NECTIN1: variants seen among roughly 807,000 people sequenced by gnomAD.
NECTIN1 encodes nectin-1.
In NECTIN1, 23 loss-of-function variants were observed where a neutral mutation model predicts 48.0. The ratio of observed to expected loss-of-function variants is 0.48; its 90% CI spans 0.34 to 0.68. The LOEUF (loss-of-function observed/expected upper bound fraction) is 0.68, where lower values mean the gene tolerates loss of function less well. Ranked by LOEUF, NECTIN1 falls within the 30% of genes least tolerant of loss-of-function variation. NECTIN1 has a pLI of 0.01. For synonymous variants in NECTIN1, 270 were observed against 288.9 expected, an observed-to-expected ratio of 0.93 and a Z score of 0.66; for missense variants, 591 against 709.9, an observed-to-expected ratio of 0.83 and a Z score of 1.90.
At chr11:119,725,038 A>G (rs1157309454) in intron 1 of NECTIN1, among the ~76,000 whole-genome samples, 1 of 152,182 alleles carries the variant, frequency 6.6e-6, no homozygotes. Context: ...AAGAGATACA[A>G]TCGGAAAAAT....
At chr11:119,686,035 T>G (rs1270419036) in intron 1 of NECTIN1, among the ~76,000 whole-genome samples, 1 of 152,104 alleles carries the variant, frequency 6.6e-6, no homozygotes, top group African/African-American at 2.4e-5. Context: ...GCCCAGCTCT[T>G]CCAGGAAGAC....
At chr11:119,638,648 T>A in intron 7 of NECTIN1, 1 of 1,285,584 alleles carries the variant, frequency 7.8e-7, no homozygotes, top group African/African-American at 1.5e-5. Context: ...TGTCTTCAGC[T>A]TGGGCTCTCT....
intron 5 of NECTIN1, among the ~76,000 whole-genome samples, chr11:119,648,316 A>ATGGTGGTGGTGATGG (rs1565376589): frequency 7.8e-4 from 7 of 8,976 alleles, no homozygotes; most frequent in African/African-American, 3.4e-3. Context: ...GATGGTGGTG[A>ATGGTGGTGGTGATGG]TGGTGATGGT....
In NECTIN1 at chr11:119,663,877, G is replaced by C. The variant is rs1252145117; in HGVS notation, c.*870C>G. On this transcript the variant is annotated 3_prime_UTR_variant, in exon 6 of 6. Transcript: ENST00000264025. ...GAATGAGGTGGAAATAGACGGGTGG[G>C]CCTTGGGCAGTGTCTGGATGGGGCA... 3.0e-6 allele frequency: 3 copies of C among 986,102 alleles called. No homozygotes were observed. The African/African-American group carries it at 5.2e-5, about 17-fold the overall frequency. 61.1% of individuals were successfully genotyped at this position (986,102 alleles called of 1,614,324 possible). A position where few individuals can be genotyped will look rare whatever the true frequency, so the allele number is the denominator to read the frequency against.
intron 1 of NECTIN1, among the ~76,000 whole-genome samples, chr11:119,692,596 C>T (rs1380274460): frequency 1.3e-5 from 2 of 152,234 alleles, no homozygotes; most frequent in Non-Finnish European, 1.5e-5. Context: ...CCTGCCAGGC[C>T]CCTCCCAAAG....
rs1420061597 is a variant in NECTIN1 at position 119,638,145 on chromosome 11, A to T, written c.1330T>A (p.Tyr444Asn). Residue 444 changes from tyrosine to asparagine, a missense_variant, in exon 8 of 8, where the codon TAC (tyrosine) becomes AAC (asparagine). Tyr to Asn is a moderately radical substitution (Grantham distance 143, BLOSUM62 -2). Transcript: ENST00000341398. The stretch of plus-strand genomic sequence containing the variant: ...TCGGTTGTCCTTACCGAGGGGTGGT[A>T]GGAGGGGGAGACCCCCAGATCATAG... The T allele has an allele frequency of 1.9e-6, 3 of 1,613,696 alleles. No individual in the cohort carries two copies. The African/African-American group carries it at 4.0e-5, about 22-fold the overall frequency.
At chr11:119,646,835 C>T (rs1379544648) in intron 5 of NECTIN1, among the ~76,000 whole-genome samples, 3 of 152,214 alleles carry the variant, frequency 2.0e-5, no homozygotes, top group Admixed American at 2.0e-4. Flanking sequence ...ACCCTTTGAG[C>T]CTCAACGTTT....
chr11:119,658,113 C>T (rs1484628092), downstream of NECTIN1, among the ~76,000 whole-genome samples: 3 of 152,078 alleles, frequency 2.0e-5, no homozygotes, highest in African/African-American at 4.8e-5. Context: ...GTTCTCAAGC[C>T]GAGCGGCCAG....
intron 1 of NECTIN1, among the ~76,000 whole-genome samples, chr11:119,681,036 C>A (rs917472461): frequency 6.6e-6 from 1 of 152,238 alleles, no homozygotes; most frequent in Non-Finnish European, 1.5e-5. Context: ...AGTGGTCCTC[C>A]TGGTCCTAAC....
At chr11:119,648,307 A>C (rs866772853) in intron 5 of NECTIN1, among the ~76,000 whole-genome samples, 592 of 10,282 alleles carry the variant, frequency 0.058, 66 homozygotes, top group African/African-American at 0.071. Flanking sequence ...GGTGGTGGTG[A>C]TGGTGGTGAT....
intron 5 of NECTIN1, among the ~76,000 whole-genome samples, chr11:119,647,225 C>CTGTGTGTGTGTGTGTGTGTG (rs1279579777): frequency 1.8e-5 from 1 of 55,820 alleles, no homozygotes; most frequent in Non-Finnish European, 4.0e-5. Flanking sequence ...GTGTGTGTGA[C>CTGTGTGTGTGTGTGTGTGTG]TGTGACCCCC....
At chr11:119,714,327 G>A (rs939130743) in intron 1 of NECTIN1, among the ~76,000 whole-genome samples, 1 of 152,210 alleles carries the variant, frequency 6.6e-6, no homozygotes, top group African/African-American at 2.4e-5. Flanking sequence ...GCTGTGGCTC[G>A]CCCTCCCAGG....
chr11:119,691,938 C>T (rs1448607497), intron 1 of NECTIN1, among the ~76,000 whole-genome samples: 1 of 152,192 alleles, frequency 6.6e-6, no homozygotes, highest in Non-Finnish European at 1.5e-5. Context: ...CACATCCCTC[C>T]TCTGCCGCGG....
At chr11:119,658,153 T>A (rs1376504250), downstream of NECTIN1, among the ~76,000 whole-genome samples, 1 of 152,160 alleles carries the variant, frequency 6.6e-6, no homozygotes, top group African/African-American at 2.4e-5. Flanking sequence ...GAGCTCAAGA[T>A]GAGCTTGGAT....
chr11:119,680,181 T>G (rs1358881772), intron 1 of NECTIN1, among the ~76,000 whole-genome samples: 1 of 152,192 alleles, frequency 6.6e-6, no homozygotes, highest in Non-Finnish European at 1.5e-5. Context: ...AGAATGTCCT[T>G]TTTTTGGGCT....
Position 119,663,322 on chromosome 11 carries a change from C to T in NECTIN1, c.*1425G>A. On this transcript the variant is annotated 3_prime_UTR_variant, in exon 6 of 6. Transcript: ENST00000264025. The stretch of plus-strand genomic sequence containing the variant: ...GACTGAGAGGGCTGGGAGGGGTCTT[C>T]CTCCATTATATACATGGGAAGACCC... 1 of 985,484 alleles carries T rather than the reference C, an allele frequency of 1.0e-6. No individual in the cohort carries two copies. Among genetic ancestry groups the T allele is most frequent in the Non-Finnish European group, 1.2e-6 (1 of 829,972 alleles). The allele number at this position is 985,484 out of a possible 1,614,324, so 61.0% of individuals were successfully genotyped here. A position where few individuals can be genotyped will look rare whatever the true frequency, so the allele number is the denominator to read the frequency against.
chr11:119,660,036 C>A (rs1864635930), downstream of NECTIN1, among the ~76,000 whole-genome samples: 1 of 152,182 alleles, frequency 6.6e-6, no homozygotes. Flanking sequence ...GCTTCTCCTT[C>A]TGCACGCCTA....
Position 119,678,634 on chromosome 11 carries a change from T to G in NECTIN1, c.211A>C (p.Thr71Pro). ...GCCACGTTCTGCTTGGAGCCATTGGTGGACTTCTGCCATGTGACCTGGGTG... is the reference window on the plus strand; with the variant it reads ...GCCACGTTCTGCTTGGAGCCATTGGGGGACTTCTGCCATGTGACCTGGGTG... ...KITQVTWQKS[T>P]NGSKQNVAIY... The change falls in exon 2 of 6, where the codon ACC (threonine) becomes CCC (proline). Residue 71 changes from threonine (T) to proline (P), a missense_variant. Thr to Pro is a conservative substitution (Grantham distance 38). Transcript: ENST00000264025. The surrounding 1 kb of genome is among the most constrained non-coding windows in gnomAD (Gnocchi z 4.4). 3.1e-6 allele frequency: 5 copies of G among 1,614,128 alleles called. No individual in the cohort carries two copies. The highest frequency in any genetic ancestry group is 4.2e-6 in the Non-Finnish European group (5 of 1,180,024).
In NECTIN1 at chr11:119,675,251, C is replaced by A; in HGVS notation, c.911G>T (p.Gly304Val). 3 of 1,614,034 alleles carry A rather than the reference C, an allele frequency of 1.9e-6. No individual in the cohort carries two copies. The highest frequency in any genetic ancestry group is 2.5e-6 in the Non-Finnish European group (3 of 1,180,026). The change falls in exon 5 of 6, where the codon GGA becomes GTA. Residue 304 changes from glycine (G) to valine (V), a missense_variant. Gly to Val is a moderately radical substitution (Grantham distance 109, BLOSUM62 -3). Transcript: ENST00000264025. ...CCCTGCCAGGCTGTAGTTGATGGGTCCCTTGAAGAAGAGGGTTCTGTTCTG... is the reference window on the plus strand; with the variant it reads ...CCCTGCCAGGCTGTAGTTGATGGGTACCTTGAAGAAGAGGGTTCTGTTCTG... Reference protein sequence around the residue: ...EAQNRTLFFKGPINYSLAGTY... With the variant: ...EAQNRTLFFKVPINYSLAGTY...
Sources: gnomAD v4.1 joint callset for allele counts (sites outside exome capture counted in the v4.1 genomes callset) on GRCh38, gnomAD v4.1.1 for gene constraint, Gnocchi (gnomAD v3.1) non-coding constraint, MANE v1.5 for transcripts, NCBI Gene and HGNC (gene_info 2026-07-23, HGNC 2026-07-21) for gene names.